Variants in MIA2 observed in about 807,000 individuals in gnomAD.
MIA2 encodes the protein melanoma inhibitory activity protein 2.
Under a neutral mutation model 167.8 loss-of-function variants are expected in MIA2, and 127 were observed. The observed-to-expected ratio is 0.76, with a 90% CI of 0.66 to 0.88. MIA2 has a LOEUF of 0.88. Among genes scored for constraint, MIA2 ranks in the 40% least tolerant of loss-of-function variants. MIA2 has a pLI of 0.00. For synonymous variants in MIA2, 552 were observed against 541.9 expected (o/e 1.02, Z -0.26); for missense variants, 1,690 against 1,624.7 (o/e 1.04, Z -0.69).
intron 13 of MIA2, among the ~76,000 whole-genome samples, chr14:39,299,027 G>A (rs1595279921): frequency 8.3e-6 from 1 of 119,810 alleles, no homozygotes; most frequent in South Asian, 2.8e-4. Context: ...GTTTGAGATT[G>A]TGGTCCAGCT....
intron 15 of MIA2, among the ~76,000 whole-genome samples, chr14:39,302,999 C>T (rs1392467131): frequency 6.6e-6 from 1 of 151,974 alleles, no homozygotes; most frequent in East Asian, 1.9e-4. Context: ...TTCGTGACAA[C>T]ATTAATATGT....
rs1006708940 is a variant in MIA2 at position 39,304,374 on chromosome 14, G to A, written c.2871G>A (p.Glu957=). 1.9e-6 allele frequency: 3 copies of A among 1,556,078 alleles called. No homozygotes were observed. Among genetic ancestry groups the A allele is most frequent in the Non-Finnish European group, 2.6e-6 (3 of 1,147,362 alleles). Residue 957 remains glutamate (E), a synonymous_variant, in exon 17 of 29, where the codon GAG becomes GAA. Coordinates refer to ENST00000640607, the MANE Select transcript of MIA2 (RefSeq NM_001329214.4). ...CTGAAGTTGATAAAACAAAGGAAGA[G>A]CTTACAGGTAGGTCATTGACATACA... is the stretch of plus-strand genomic sequence containing the variant. ...QLSEVDKTKE[E]LTEHIKNLQT...
At chr14:39,288,033 G>C (rs914969044) in intron 9 of MIA2, among the ~76,000 whole-genome samples, 1 of 152,088 alleles carries the variant, frequency 6.6e-6, no homozygotes, top group African/African-American at 2.4e-5. Flanking sequence ...CTTTGGTAGA[G>C]ATGTGGTTTT....
intron 25 of MIA2, 57 bp from the exon 26 acceptor site, chr14:39,345,847 A>G (rs2073120038): frequency 6.8e-7 from 1 of 1,480,770 alleles, no homozygotes. Context: ...CGTTAAACTT[A>G]AGTAAACTTG....
intron 20 of MIA2, chr14:39,315,407 C>T (rs1402458321): frequency 6.7e-6 from 2 of 297,440 alleles, no homozygotes; most frequent in Middle Eastern, 9.7e-4. Flanking sequence ...GTCTCATACT[C>T]AGTCAGGCTA....
intron 9 of MIA2, among the ~76,000 whole-genome samples, chr14:39,285,707 C>T (rs1345607420): frequency 5.8e-4 from 56 of 96,348 alleles, no homozygotes; most frequent in Middle Eastern, 5.3e-3. Context: ...CGGGCGGAGA[C>T]GCTCCTCACT....
chr14:39,308,658 G>A lies in MIA2; in HGVS notation c.3017+71G>A, dbSNP rs1169126390. 4 of 1,172,620 alleles carry A rather than the reference G, an allele frequency of 3.4e-6. No homozygotes were observed. The African/African-American group carries it at 4.9e-5, about 14-fold the overall frequency. 72.6% of individuals were successfully genotyped at this position (1,172,620 alleles called of 1,614,324 possible). A position where few individuals can be genotyped will look rare whatever the true frequency, so the allele number is the denominator to read the frequency against. ...TTTAGAGATATATGTTACATAGTTA[G>A]CTATAGTGATTATTGAAAGTTCTCA... On this transcript the variant is annotated intron_variant, in intron 18 of 28. Coordinates refer to ENST00000640607, the MANE Select transcript of MIA2 (RefSeq NM_001329214.4).
chr14:39,282,188 T>A (rs977316634), intron 9 of MIA2, among the ~76,000 whole-genome samples: 1 of 152,160 alleles, frequency 6.6e-6, no homozygotes, highest in Non-Finnish European at 1.5e-5. Flanking sequence ...CAGTGAGGAT[T>A]TACTGTTGCT....
In MIA2 at chr14:39,267,357, TGC is replaced by T. The variant is rs573421991; in HGVS notation, c.1888-9575_1888-9574del. The T allele has an allele frequency of 5.1e-5, 80 of 1,579,430 alleles. No individual in the cohort carries two copies. The African/African-American group carries it at 1.0e-3, about 20-fold the overall frequency. On this transcript the variant is annotated intron_variant, in intron 6 of 28. Coordinates refer to ENST00000640607, the MANE Select transcript of MIA2 (RefSeq NM_001329214.4). ...GCAGTGGTCCACTCCGGTTGCCGGG[TGC>T]GGATTCGGGTTCCGGACCGAAGGCT...
At chr14:39,381,104 T>C (rs897174516) in intron 23 of MIA2, among the ~76,000 whole-genome samples, 3 of 151,234 alleles carry the variant, frequency 2.0e-5, no homozygotes, top group Non-Finnish European at 4.4e-5. Flanking sequence ...ACTCTTGGGG[T>C]ATCATAAGGA....
intron 17 of MIA2, among the ~76,000 whole-genome samples, chr14:39,308,236 CTG>C (rs1265784247): frequency 1.3e-5 from 2 of 152,090 alleles, no homozygotes; most frequent in East Asian, 1.9e-4. Context: ...AAATATCACA[CTG>C]TACCACATAA....
chr14:39,298,090 T>A (rs1307741136), intron 13 of MIA2, among the ~76,000 whole-genome samples: 2 of 152,072 alleles, frequency 1.3e-5, no homozygotes, highest in African/African-American at 4.8e-5. Flanking sequence ...TTTAATAGAT[T>A]TGAGTAGAAA....
chr14:39,284,716 A>G (rs913659196), intron 9 of MIA2, among the ~76,000 whole-genome samples: 1 of 150,710 alleles, frequency 6.6e-6, no homozygotes, highest in Non-Finnish European at 1.5e-5. Context: ...ATTTTTTTTG[A>G]TGCTATGTAA....
intron 21 of MIA2, 79 bp downstream of exon 21, chr14:39,315,797 A>G (rs2065300555): frequency 2.1e-6 from 2 of 943,528 alleles, no homozygotes; most frequent in South Asian, 1.7e-5. Flanking sequence ...TTTAAATTAG[A>G]TGAAAATAAA....
rs1178159503 is a variant in MIA2, at chr14:39,288,460, TATATA to T, written c.2131-2558_2131-2554del. ...ATATATATATATATATATATATATATATATATATATATATATTTTTTTTTTTTTTT... is the reference window on the plus strand; with the variant it reads ...ATATATATATATATATATATATATATTATATATATATTTTTTTTTTTTTTT... On this transcript the variant is annotated intron_variant, in intron 9 of 28. Transcript: ENST00000640607. 5.4e-3 allele frequency among the ~76,000 whole-genome samples: 86 copies of T among 15,954 alleles called. 7 individuals are homozygous for T. Among genetic ancestry groups the T allele is most frequent in the South Asian group, 0.015 (6 of 400 alleles). 10.5% of individuals were successfully genotyped at this position (15,954 alleles called of 152,430 possible).
intron 6 of MIA2, chr14:39,267,192 A>G (rs2055917869): frequency 3.2e-6 from 4 of 1,243,028 alleles, no homozygotes; most frequent in Non-Finnish European, 4.1e-6. Context: ...AGGACAGGGT[A>G]CGTCGCAGGC....
At chr14:39,314,191 G>A (rs2064893920) in intron 19 of MIA2, among the ~76,000 whole-genome samples, 1 of 152,094 alleles carries the variant, frequency 6.6e-6, no homozygotes, top group South Asian at 2.1e-4. Flanking sequence ...TTCGAGCCCA[G>A]CCTGGTCAAC....
At chr14:39,316,518 G>C (rs1455881560) in intron 21 of MIA2, among the ~76,000 whole-genome samples, 1 of 152,178 alleles carries the variant, frequency 6.6e-6, no homozygotes. Context: ...GTTGCCAAAT[G>C]CCTGACACAC....
At chr14:39,386,672 C>A in intron 23 of MIA2, 1 of 1,117,770 alleles carries the variant, frequency 8.9e-7, no homozygotes, top group Non-Finnish European at 1.4e-6. Context: ...GATCAAAGAC[C>A]TTCTCATTAT....
Sources: gnomAD v4.1 joint callset for allele counts (sites outside exome capture counted in the v4.1 genomes callset) on GRCh38, gnomAD v4.1.1 for gene constraint, MANE v1.5 for transcripts, NCBI Gene and HGNC (gene_info 2026-07-23, HGNC 2026-07-21) for gene names.